The following RALGAPB variants were observed in gnomAD, a reference collection of about 807,000 sequenced individuals.
The protein encoded by RALGAPB is ral GTPase-activating protein subunit beta.
A neutral mutation model predicts 161.1 loss-of-function variants in RALGAPB; 25 were observed. The ratio of observed to expected loss-of-function variants is 0.16; its 90% confidence interval spans 0.11 to 0.22. The LOEUF is 0.22. Ranked by LOEUF, RALGAPB falls within the 10% of genes least tolerant of loss-of-function variation. RALGAPB has a pLI of 1.00. For synonymous variants in RALGAPB, 629 were observed against 626.1 expected (o/e 1.00, Z -0.07); for missense variants, 1,391 against 1,815.2 (o/e 0.77, Z 4.25).
In RALGAPB at chr20:38,557,222, A is replaced by C. The variant is rs563742328; in HGVS notation, c.3373-1073A>C. Among the ~76,000 whole-genome samples, 3 of 152,312 alleles carry C rather than the reference A, an allele frequency of 2.0e-5. No individual in the cohort carries two copies. In the East Asian group the frequency reaches 5.8e-4, roughly 29 times the overall value. ...TGTGTAGACTTAATTTTTTTAGAGA[A>C]GATTTAGGTTTTCAGAACAATTGAG... On this transcript the variant is annotated intron_variant, in intron 22 of 29. Coordinates refer to ENST00000262879, the MANE Select transcript of RALGAPB (RefSeq NM_020336.4).
At chr20:38,520,524 CTT>C (rs775371608) in intron 9 of RALGAPB, among the ~76,000 whole-genome samples, 20 of 70,304 alleles carry the variant, frequency 2.8e-4, no homozygotes, top group African/African-American at 4.6e-4. Context: ...TGTGTTTTGG[CTT>C]TTTTTTTTTT....
chr20:38,539,001 T>C (rs902303884), intron 16 of RALGAPB, among the ~76,000 whole-genome samples: 2 of 152,194 alleles, frequency 1.3e-5, no homozygotes, highest in African/African-American at 4.8e-5. Context: ...TGTCCATTAA[T>C]AAGTAACTAG....
At chr20:38,539,150 G>T (rs1321025347) in intron 16 of RALGAPB, among the ~76,000 whole-genome samples, 4 of 152,104 alleles carry the variant, frequency 2.6e-5, no homozygotes, top group African/African-American at 7.2e-5. Flanking sequence ...AGTACATATT[G>T]TATGATCTTT....
At chr20:38,546,705 TTTG>T in intron 19 of RALGAPB, 1 of 375,404 alleles carries the variant, frequency 2.7e-6, no homozygotes, top group Non-Finnish European at 4.9e-6. Context: ...GTTGTTTATC[TTTG>T]TCACTTTTTC....
intron 23 of RALGAPB, among the ~76,000 whole-genome samples, chr20:38,560,518 C>T (rs1765991583): frequency 6.6e-6 from 1 of 152,054 alleles, no homozygotes. Flanking sequence ...AGAAGGTGGG[C>T]TGGGGGTAGC....
chr20:38,512,916 T>A (rs2086006309), intron 6 of RALGAPB, among the ~76,000 whole-genome samples: 1 of 151,842 alleles, frequency 6.6e-6, no homozygotes, highest in Non-Finnish European at 1.5e-5. Flanking sequence ...CCCACCACCA[T>A]GCCTGACTAA....
intron 6 of RALGAPB, among the ~76,000 whole-genome samples, chr20:38,513,787 A>G (rs1209058837): frequency 6.6e-6 from 1 of 152,162 alleles, no homozygotes; most frequent in Non-Finnish European, 1.5e-5. Flanking sequence ...TAATTTCCCA[A>G]TGTTGAACCA....
intron 6 of RALGAPB, among the ~76,000 whole-genome samples, chr20:38,510,484 A>T (rs2085909117): frequency 6.6e-6 from 1 of 152,148 alleles, no homozygotes; most frequent in Admixed American, 6.5e-5. Context: ...ATTTCAGATC[A>T]ATTTTAGAAC....
rs117056573 is a variant in RALGAPB, at chr20:38,539,495, T to C, written c.2380-281T>C. 7.5e-3 allele frequency among the ~76,000 whole-genome samples: 1,148 copies of C among 152,320 alleles called. 8 individuals carry two copies. Among genetic ancestry groups the C allele is most frequent in the Non-Finnish European group, 0.01 (681 of 68,024 alleles). The stretch of plus-strand genomic sequence containing the variant: ...AAAATGTGCCCATGTTCTTTCAGTC[T>C]CTGGGAATGATGAACAGGTATACCC... On this transcript the variant is annotated intron_variant, in intron 16 of 29. Coordinates refer to ENST00000262879, the MANE Select transcript of RALGAPB (RefSeq NM_020336.4).
chr20:38,491,974 C>T (rs1252046204), intron 2 of RALGAPB, among the ~76,000 whole-genome samples: 2 of 152,150 alleles, frequency 1.3e-5, no homozygotes, highest in Admixed American at 6.6e-5. Context: ...TTAAACTTTC[C>T]AGTTTACAAT....
intron 6 of RALGAPB, among the ~76,000 whole-genome samples, chr20:38,511,220 A>C (rs2085938443): frequency 6.6e-6 from 1 of 152,228 alleles, no homozygotes; most frequent in African/African-American, 2.4e-5. Flanking sequence ...AAGAAAAGAG[A>C]AAGTGGTGAA....
At chr20:38,496,529 C>T (rs2085432318) in intron 3 of RALGAPB, among the ~76,000 whole-genome samples, 1 of 152,122 alleles carries the variant, frequency 6.6e-6, no homozygotes, top group African/African-American at 2.4e-5. Flanking sequence ...AATGGGTTTC[C>T]TACTATTCTC....
intron 6 of RALGAPB, among the ~76,000 whole-genome samples, chr20:38,510,424 T>C (rs1005742640): frequency 1.2e-4 from 19 of 152,208 alleles, no homozygotes; most frequent in Non-Finnish European, 2.4e-4. Context: ...CTAATGTCTT[T>C]TTCTCTTTTT....
At chr20:38,516,676 A>G (rs1708597547) in intron 7 of RALGAPB, 1 of 233,888 alleles carries the variant, frequency 4.3e-6, no homozygotes, top group Non-Finnish European at 8.3e-6. Context: ...AATTAGGCCT[A>G]GTAGATAAAT....
intron 13 of RALGAPB, among the ~76,000 whole-genome samples, chr20:38,527,652 C>G (rs1029154067): frequency 1.3e-5 from 2 of 152,174 alleles, no homozygotes; most frequent in Non-Finnish European, 2.9e-5. Context: ...CAGATACATT[C>G]TGAACACAGA....
intron 25 of RALGAPB, among the ~76,000 whole-genome samples, chr20:38,566,462 T>C (rs1394868970): frequency 6.6e-6 from 1 of 152,232 alleles, no homozygotes; most frequent in Admixed American, 6.5e-5. Flanking sequence ...GCCTCGTCCT[T>C]ATTCTATAGC....
At position 38,488,637 on chromosome 20, in the gene RALGAPB, C is replaced by T. The variant is rs767461939; in HGVS notation, c.186+19C>T. The T allele has an allele frequency of 9.4e-6, 15 of 1,591,026 alleles. No individual in the cohort carries two copies. In the East Asian group the frequency reaches 3.4e-4, roughly 36 times the overall value. ...CAAAGAAGTAAGTGTTTCTAAATTT[C>T]ATTCTCTTATATGAAAATGTACATT... On this transcript the variant is annotated intron_variant, in intron 2 of 29. Transcript: ENST00000262879.
chr20:38,509,437 G>A lies in RALGAPB; in HGVS notation c.872+229G>A, dbSNP rs117105647. Among the ~76,000 whole-genome samples, 14 of 152,330 alleles carry A rather than the reference G, an allele frequency of 9.2e-5. No homozygotes were observed. The East Asian group carries it at 1.4e-3, about 15-fold the overall frequency. The stretch of plus-strand genomic sequence containing the variant: ...CTTGGTTTACACGCTCTAGGAACGC[G>A]TTCCCTGTGGTAGATGCCGCACTTG... On this transcript the variant is annotated intron_variant, in intron 6 of 29. Coordinates refer to ENST00000262879, the MANE Select transcript of RALGAPB (RefSeq NM_020336.4).
intron 2 of RALGAPB, among the ~76,000 whole-genome samples, chr20:38,492,080 T>C: frequency 6.6e-6 from 1 of 152,220 alleles, no homozygotes. Flanking sequence ...GGATTTATAA[T>C]TGGTCAAGAT....
Sources: allele counts gnomAD v4.1 joint callset (sites outside exome capture counted in the v4.1 genomes callset), GRCh38; gene constraint gnomAD v4.1.1; transcripts MANE v1.5; gene names NCBI Gene and HGNC (gene_info 2026-07-23, HGNC 2026-07-21).